Variants in RAP1A observed in about 807,000 individuals in gnomAD.
The protein encoded by RAP1A is RAP1A, member of RAS oncogene family.
Under a neutral mutation model 26.4 loss-of-function variants are expected in RAP1A, and 6 were observed. The ratio of observed to expected loss-of-function variants is 0.23; its 90% CI spans 0.12 to 0.45. RAP1A has a LOEUF of 0.45. RAP1A is among the 20% of genes least tolerant of loss of function. The probability of loss-of-function intolerance (pLI) is 0.99; values close to 1 mark genes in which losing one functional copy is unlikely to be tolerated. For synonymous variants in RAP1A, 73 were observed against 79.4 expected (o/e 0.92, Z 0.43); for missense variants, 121 against 217.2 (o/e 0.56, Z 2.78).
rs1435838494 is a variant in RAP1A at position 111,620,961 on chromosome 1, A to G, written c.-28+1027A>G. 2.6e-5 allele frequency among the ~76,000 whole-genome samples: 4 copies of G among 152,322 alleles called. No individual in the cohort carries two copies. The East Asian group carries it at 7.7e-4, about 29-fold the overall frequency. ...GAACCTTTGACCTCTTGGAAAAAGA[A>G]CTGCCATTGAGGAGTAATGCATTCT... is the stretch of plus-strand genomic sequence containing the variant. On this transcript the variant is annotated intron_variant, in intron 1 of 7. Transcript: ENST00000369709.
At chr1:111,699,461 C>CACTTTTTTTT (rs757696333) in intron 4 of RAP1A, among the ~76,000 whole-genome samples, 1 of 73,022 alleles carries the variant, frequency 1.4e-5, no homozygotes, top group African/African-American at 5.2e-5. Flanking sequence ...ATCTCACTTC[C>CACTTTTTTTT]TCTTTTTTTT....
intron 1 of RAP1A, among the ~76,000 whole-genome samples, chr1:111,612,982 T>C (rs954267595): frequency 1.3e-5 from 2 of 152,158 alleles, no homozygotes; most frequent in East Asian, 1.9e-4. Flanking sequence ...ACAAGAACAC[T>C]GAGGCTACAA....
Position 111,713,028 on chromosome 1 carries a change from C to G in RAP1A, c.*627C>G, listed in dbSNP as rs1310535988. On this transcript the variant is annotated 3_prime_UTR_variant, in exon 8 of 8. Transcript: ENST00000369709. ...TTTCAAAGCTAAAATATATAATATACTAAACCAACTCTAATATTGCTTCTT... is the reference window on the plus strand; with the variant it reads ...TTTCAAAGCTAAAATATATAATATAGTAAACCAACTCTAATATTGCTTCTT... The G allele has an allele frequency of 6.6e-6, 1 of 152,508 alleles. No individual in the cohort carries two copies. The highest frequency in any genetic ancestry group is 2.4e-5 in the African/African-American group (1 of 41,426). The allele number at this position is 152,508 out of a possible 1,614,324, so 9.4% of individuals were successfully genotyped here.
chr1:111,657,010 C>G (rs559122290), intron 1 of RAP1A, among the ~76,000 whole-genome samples: 1 of 152,044 alleles, frequency 6.6e-6, no homozygotes, highest in African/African-American at 2.4e-5. Flanking sequence ...CATCCCCCTT[C>G]TCCGCCCCCA....
intron 1 of RAP1A, among the ~76,000 whole-genome samples, chr1:111,570,409 A>G (rs1658026909): frequency 6.6e-6 from 1 of 152,126 alleles, no homozygotes; most frequent in African/African-American, 2.4e-5. Context: ...CAAACTCTGT[A>G]AGTAACCATC....
rs1278864849 is a variant in RAP1A at position 111,715,947 on chromosome 1, A to T, written c.*3546A>T. 6.6e-6 allele frequency: 1 copy of T among 152,248 alleles called. No individual in the cohort carries two copies. The highest frequency in any genetic ancestry group is 1.5e-5 in the Non-Finnish European group (1 of 68,044). 9.4% of individuals were successfully genotyped at this position (152,248 alleles called of 1,614,324 possible). Reference sequence around the variant, plus strand: ...GGCACTGAGGGACAGAAAGAGAAATAAGGAATACCTTGGTATTTTCCTTTG... The same window carrying T: ...GGCACTGAGGGACAGAAAGAGAAATTAGGAATACCTTGGTATTTTCCTTTG... On this transcript the variant is annotated 3_prime_UTR_variant, in exon 8 of 8. Coordinates refer to ENST00000369709, the MANE Select transcript of RAP1A (RefSeq NM_002884.4).
intron 1 of RAP1A, among the ~76,000 whole-genome samples, chr1:111,558,578 T>G (rs367593405): frequency 6.6e-6 from 1 of 152,210 alleles, no homozygotes; most frequent in East Asian, 1.9e-4. Context: ...AGGTTGAAAC[T>G]TAAAGAATGG....
chr1:111,632,058 T>A (rs1571511484), intron 1 of RAP1A, among the ~76,000 whole-genome samples: 1 of 152,288 alleles, frequency 6.6e-6, no homozygotes, highest in East Asian at 1.9e-4. Context: ...ATGTAGCCAG[T>A]GTTAGTTGTC....
intron 1 of RAP1A, among the ~76,000 whole-genome samples, chr1:111,623,568 G>A (rs11102319): frequency 0.065 from 9,797 of 151,866 alleles, 327 homozygotes; most frequent in African/African-American, 0.084. Flanking sequence ...CACCACACCC[G>A]GCTAATTTTT....
chr1:111,609,424 T>C (rs1571496190), intron 1 of RAP1A, among the ~76,000 whole-genome samples: 1 of 152,260 alleles, frequency 6.6e-6, no homozygotes, highest in Non-Finnish European at 1.5e-5. Flanking sequence ...GACCCTTACT[T>C]TTTTTTACTT....
intron 1 of RAP1A, among the ~76,000 whole-genome samples, chr1:111,661,914 G>T (rs1660650086): frequency 6.6e-6 from 1 of 151,624 alleles, no homozygotes; most frequent in Non-Finnish European, 1.5e-5. Flanking sequence ...TAGAAATTCT[G>T]TTAGTCAAAT....
chr1:111,622,869 T>C (rs1476401879), intron 1 of RAP1A, among the ~76,000 whole-genome samples: 1 of 152,198 alleles, frequency 6.6e-6, no homozygotes, highest in Non-Finnish European at 1.5e-5. Flanking sequence ...GTTTGTATTG[T>C]AATAGTTAAG....
chr1:111,661,943 G>A (rs551439122), intron 1 of RAP1A, among the ~76,000 whole-genome samples: 1 of 151,074 alleles, frequency 6.6e-6, no homozygotes, highest in South Asian at 2.1e-4. Context: ...ATCTTTTTTT[G>A]TGTATTTCTT....
chr1:111,544,525 G>A (rs974370835), intron 1 of RAP1A, among the ~76,000 whole-genome samples: 1 of 152,066 alleles, frequency 6.6e-6, no homozygotes, highest in African/African-American at 2.4e-5. Context: ...GTTGTAACAT[G>A]CATTGTATCA....
At chr1:111,587,090 T>C (rs1355693756) in intron 1 of RAP1A, among the ~76,000 whole-genome samples, 2 of 152,016 alleles carry the variant, frequency 1.3e-5, no homozygotes, top group African/African-American at 4.8e-5. Context: ...GCCCTACTCC[T>C]CCTTGTCCTT....
chr1:111,645,276 C>G (rs1442472992), intron 1 of RAP1A, among the ~76,000 whole-genome samples: 2 of 152,100 alleles, frequency 1.3e-5, no homozygotes, highest in Admixed American at 6.6e-5. Context: ...AAAGGTTGAC[C>G]TTAAATGTGA....
intron 1 of RAP1A, among the ~76,000 whole-genome samples, chr1:111,593,796 AAAAC>A (rs1439752408): frequency 1.3e-5 from 2 of 152,020 alleles, no homozygotes; most frequent in East Asian, 3.9e-4. Flanking sequence ...TGTCACAAAA[AAAAC>A]CAGAAAGAAA....
intron 1 of RAP1A, among the ~76,000 whole-genome samples, chr1:111,644,919 G>A (rs1363439249): frequency 6.6e-6 from 1 of 152,134 alleles, no homozygotes; most frequent in African/African-American, 2.4e-5. Context: ...AACATTTCAA[G>A]AGTTTGTTTT....
At chr1:111,646,543 T>A (rs1331422789) in intron 1 of RAP1A, among the ~76,000 whole-genome samples, 1 of 152,062 alleles carries the variant, frequency 6.6e-6, no homozygotes, top group Non-Finnish European at 1.5e-5. Flanking sequence ...ATCTTCTCTT[T>A]TTCTTTCTTT....
Sources: gnomAD v4.1 joint callset for allele counts (sites outside exome capture counted in the v4.1 genomes callset) on GRCh38, gnomAD v4.1.1 for gene constraint, MANE v1.5 for transcripts, NCBI Gene and HGNC (gene_info 2026-07-23, HGNC 2026-07-21) for gene names.